The following SKAP1 variants were observed in gnomAD, a reference collection of about 807,000 sequenced individuals.
SKAP1 encodes the protein src kinase-associated phosphoprotein 1.
SKAP1 carries 44 observed loss-of-function variants against 58.5 expected under a neutral mutation model. The ratio of observed to expected loss-of-function variants is 0.75; its 90% CI spans 0.59 to 0.97. The LOEUF is 0.97. Among genes scored for constraint, SKAP1 ranks in the 50% least tolerant of loss-of-function variants. SKAP1 has a pLI of 0.00. For missense variants in SKAP1, 390 were observed against 435.2 expected (o/e 0.90, Z 0.92); for synonymous variants, 127 against 149.7 (o/e 0.85, Z 1.11).
At chr17:48,219,028 C>T (rs772242294) in intron 4 of SKAP1, among the ~76,000 whole-genome samples, 1 of 152,110 alleles carries the variant, frequency 6.6e-6, no homozygotes, top group Admixed American at 6.5e-5. Context: ...AACCTAATTT[C>T]CTATTAGTAT....
At chr17:48,401,544 G>A (rs2067499127) in intron 1 of SKAP1, among the ~76,000 whole-genome samples, 1 of 152,100 alleles carries the variant, frequency 6.6e-6, no homozygotes, top group South Asian at 2.1e-4. Context: ...TTCAACAAAT[G>A]GTGCTGAGAC....
intron 4 of SKAP1, among the ~76,000 whole-genome samples, chr17:48,245,547 C>G (rs1264858625): frequency 6.6e-6 from 1 of 152,164 alleles, no homozygotes; most frequent in Non-Finnish European, 1.5e-5. Context: ...AAAATGAAGA[C>G]AGCACTTACT....
intron 4 of SKAP1, chr17:48,193,656 C>G: frequency 2.0e-6 from 2 of 983,086 alleles, no homozygotes; most frequent in South Asian, 4.7e-5. Flanking sequence ...AAGGTACCTC[C>G]TCTTTCAGTG....
intron 4 of SKAP1, among the ~76,000 whole-genome samples, chr17:48,333,239 G>C (rs1355537516): frequency 6.6e-6 from 1 of 152,104 alleles, no homozygotes; most frequent in Non-Finnish European, 1.5e-5. Context: ...TCAGCTGTTT[G>C]CCTTAAATAA....
At chr17:48,290,399 T>A (rs747302589) in intron 4 of SKAP1, among the ~76,000 whole-genome samples, 1 of 152,244 alleles carries the variant, frequency 6.6e-6, no homozygotes, top group Non-Finnish European at 1.5e-5. Flanking sequence ...TAACCCTGGC[T>A]GCTGAGCTGA....
chr17:48,373,072 T>C (rs2067106650), intron 2 of SKAP1, among the ~76,000 whole-genome samples: 2 of 152,176 alleles, frequency 1.3e-5, no homozygotes, highest in African/African-American at 2.4e-5. Flanking sequence ...GTTGTATTAG[T>C]CCATTTTCAC....
chr17:48,306,597 TA>T (rs1052663634), intron 4 of SKAP1, among the ~76,000 whole-genome samples: 7 of 152,050 alleles, frequency 4.6e-5, no homozygotes, highest in African/African-American at 1.7e-4. Context: ...ACACCTTTTT[TA>T]AAAAAAATCA....
intron 4 of SKAP1, among the ~76,000 whole-genome samples, chr17:48,261,341 G>A (rs1214958922): frequency 6.6e-6 from 1 of 152,140 alleles, no homozygotes; most frequent in South Asian, 2.1e-4. Flanking sequence ...GCCTTATAAA[G>A]CCTTAAAAAG....
intron 4 of SKAP1, among the ~76,000 whole-genome samples, chr17:48,189,852 A>G (rs1300829885): frequency 6.6e-6 from 1 of 151,244 alleles, no homozygotes; most frequent in East Asian, 2.0e-4. Context: ...TGTTTTTTGT[A>G]TTTTTAGTAG....
At chr17:48,412,581 G>A (rs1240241768) in intron 1 of SKAP1, among the ~76,000 whole-genome samples, 7 of 152,122 alleles carry the variant, frequency 4.6e-5, no homozygotes, top group Non-Finnish European at 7.4e-5. Context: ...CCTACAGGAG[G>A]TGGAGTGTTA....
chr17:48,297,469 G>T (rs2065993955), intron 4 of SKAP1, among the ~76,000 whole-genome samples: 1 of 152,092 alleles, frequency 6.6e-6, no homozygotes, highest in African/African-American at 2.4e-5. Context: ...TAGGAATGGG[G>T]CAAAACAAGA....
chr17:48,206,232 C>A (rs2064808055), intron 4 of SKAP1, among the ~76,000 whole-genome samples: 1 of 152,094 alleles, frequency 6.6e-6, no homozygotes, highest in South Asian at 2.1e-4. Context: ...CTAGGAAAAA[C>A]AAGAATTTTT....
At chr17:48,339,718 T>C (rs1469406853) in intron 4 of SKAP1, among the ~76,000 whole-genome samples, 2 of 152,200 alleles carry the variant, frequency 1.3e-5, no homozygotes, top group Non-Finnish European at 2.9e-5. Context: ...GTCATTTACC[T>C]CTAATCCCTG....
intron 11 of SKAP1, among the ~76,000 whole-genome samples, chr17:48,148,729 G>T (rs1321578598): frequency 6.6e-6 from 1 of 152,134 alleles, no homozygotes; most frequent in African/African-American, 2.4e-5. Flanking sequence ...CATCTAAAGT[G>T]CAATGGGGAG....
At chr17:48,384,024 G>A (rs779857952) in intron 2 of SKAP1, among the ~76,000 whole-genome samples, 4 of 151,924 alleles carry the variant, frequency 2.6e-5, no homozygotes, top group East Asian at 1.9e-4. Context: ...CCATGCCAGC[G>A]AATAAATTAC....
intron 11 of SKAP1, chr17:48,156,434 C>G (rs757861784): frequency 1.9e-6 from 1 of 524,574 alleles, no homozygotes; most frequent in Non-Finnish European, 3.9e-6. Flanking sequence ...AGACCTGCAC[C>G]AGCGCCACAA....
At chr17:48,332,775 A>G (rs919891910) in intron 4 of SKAP1, among the ~76,000 whole-genome samples, 3 of 152,180 alleles carry the variant, frequency 2.0e-5, no homozygotes, top group Non-Finnish European at 4.4e-5. Context: ...TTTTAAAAAA[A>G]TTCTTTATTG....
At chr17:48,293,813 C>T (rs941868350) in intron 4 of SKAP1, among the ~76,000 whole-genome samples, 2 of 152,210 alleles carry the variant, frequency 1.3e-5, no homozygotes, top group African/African-American at 4.8e-5. Context: ...AACGCTCTGA[C>T]ATTGACATTC....
At chr17:48,392,110 C>T (rs1201587999) in intron 2 of SKAP1, among the ~76,000 whole-genome samples, 1 of 152,056 alleles carries the variant, frequency 6.6e-6, no homozygotes, top group African/African-American at 2.4e-5. Context: ...TCCTATAATA[C>T]AAAAATATCA....
Sources: allele counts gnomAD v4.1 joint callset (sites outside exome capture counted in the v4.1 genomes callset), GRCh38; gene constraint gnomAD v4.1.1; transcripts MANE v1.5; gene names NCBI Gene and HGNC (gene_info 2026-07-23, HGNC 2026-07-21).